NEBL: variants seen among roughly 807,000 people sequenced by gnomAD.
The protein encoded by NEBL is nebulette, also known as LIM and SH3 protein 2.
In NEBL, 122 loss-of-function variants were observed where a neutral mutation model predicts 140.2. That is an observed-to-expected ratio of 0.87 (90% CI 0.75 to 1.01). The LOEUF (loss-of-function observed/expected upper bound fraction) is 1.01. Ranked by LOEUF, NEBL falls within the 50% of genes least tolerant of loss-of-function variation. The pLI is 0.00. For synonymous variants in NEBL, 436 were observed against 398.9 expected, an observed-to-expected ratio of 1.09 and a Z score of -1.11; for missense variants, 1,365 against 1,231.3, an observed-to-expected ratio of 1.11 and a Z score of -1.62.
chr10:21,022,368 G>A (rs1838833335), intron 2 of NEBL, among the ~76,000 whole-genome samples: 1 of 152,208 alleles, frequency 6.6e-6, no homozygotes, highest in South Asian at 2.1e-4. Flanking sequence ...GGCTGATGCA[G>A]TAATCATTTG....
intron 2 of NEBL, chr10:21,126,218 G>T: frequency 8.0e-7 from 1 of 1,253,200 alleles, no homozygotes; most frequent in Non-Finnish European, 1.1e-6. Flanking sequence ...CAACTACATT[G>T]CTGGTTATGT....
chr10:20,864,171 T>C (rs1308622100), intron 7 of NEBL, among the ~76,000 whole-genome samples: 4 of 152,138 alleles, frequency 2.6e-5, no homozygotes, highest in African/African-American at 7.2e-5. Flanking sequence ...TATAGACAAA[T>C]TCCAAGTAAC....
intron 3 of NEBL, among the ~76,000 whole-genome samples, chr10:21,236,267 G>C (rs1348762596): frequency 6.6e-6 from 1 of 151,652 alleles, no homozygotes; most frequent in Non-Finnish European, 1.5e-5. Context: ...TTTAACAACT[G>C]AATTTTACAA....
At chr10:20,983,288 G>C (rs1255902597) in intron 3 of NEBL, among the ~76,000 whole-genome samples, 3 of 152,192 alleles carry the variant, frequency 2.0e-5, no homozygotes, top group Non-Finnish European at 4.4e-5. Context: ...CAATTATCTT[G>C]AGACCATTTA....
intron 3 of NEBL, among the ~76,000 whole-genome samples, chr10:21,217,266 C>G (rs1242050424): frequency 6.6e-6 from 1 of 152,162 alleles, no homozygotes; most frequent in African/African-American, 2.4e-5. Context: ...CCAGAAGTTT[C>G]CTCCAAATTG....
intron 2 of NEBL, among the ~76,000 whole-genome samples, chr10:21,110,416 C>T (rs1014944969): frequency 6.6e-6 from 1 of 152,084 alleles, no homozygotes; most frequent in Non-Finnish European, 1.5e-5. Context: ...TAGAAGTTAT[C>T]AAATTTATTG....
At chr10:20,868,832 G>T (rs1413130240) in intron 6 of NEBL, 67 bp from the exon 7 acceptor site, 1 of 876,678 alleles carries the variant, frequency 1.1e-6, no homozygotes, top group Non-Finnish European at 1.7e-6. Context: ...ATTGACATTA[G>T]CCAAAAAAAA....
chr10:20,949,186 T>C (rs1835322763), intron 4 of NEBL, among the ~76,000 whole-genome samples: 1 of 152,122 alleles, frequency 6.6e-6, no homozygotes, highest in African/African-American at 2.4e-5. Flanking sequence ...CTCAGCAAAC[T>C]AACCCAGGAA....
intron 23 of NEBL, among the ~76,000 whole-genome samples, chr10:20,813,512 T>G (rs769471856): frequency 1.3e-5 from 2 of 152,204 alleles, no homozygotes; most frequent in Non-Finnish European, 2.9e-5. Flanking sequence ...AATTGAACAC[T>G]TTAAATGGGC....
chr10:20,787,909 C>T (rs1370617588), intron 26 of NEBL, among the ~76,000 whole-genome samples: 3 of 152,150 alleles, frequency 2.0e-5, no homozygotes, highest in Non-Finnish European at 4.4e-5. Flanking sequence ...ATTCAGCTGA[C>T]TTATCAAGAC....
intron 2 of NEBL, among the ~76,000 whole-genome samples, chr10:21,060,887 T>C (rs1835242469): frequency 6.6e-6 from 1 of 152,164 alleles, no homozygotes; most frequent in Admixed American, 6.5e-5. Flanking sequence ...CCTTCCTGCC[T>C]AAAGCACACT....
chr10:21,135,043 A>C (rs143379379), intron 2 of NEBL, among the ~76,000 whole-genome samples: 77 of 152,344 alleles, frequency 5.1e-4, no homozygotes, highest in African/African-American at 1.7e-3. Context: ...ACGTTTGTCC[A>C]GGTTCCAGTA....
At chr10:21,191,414 T>C (rs761741105) in intron 3 of NEBL, among the ~76,000 whole-genome samples, 3 of 152,230 alleles carry the variant, frequency 2.0e-5, no homozygotes, top group African/African-American at 7.2e-5. Flanking sequence ...CCAGACCATC[T>C]GGCTTTGGAG....
intron 2 of NEBL, among the ~76,000 whole-genome samples, chr10:21,047,227 G>C (rs1834560398): frequency 6.6e-6 from 1 of 152,080 alleles, no homozygotes; most frequent in African/African-American, 2.4e-5. Flanking sequence ...AAAAATACAA[G>C]ATCAACCCAA....
Position 21,173,617 on chromosome 10 carries a change from C to T in NEBL, c.69+148G>A. 7.5e-7 allele frequency: 1 copy of T among 1,338,106 alleles called. No individual in the cohort carries two copies. The highest frequency in any genetic ancestry group is 1.2e-5 in the South Asian group (1 of 81,010). 82.9% of individuals were successfully genotyped at this position (1,338,106 alleles called of 1,614,324 possible). ...TGGTCTCTGACACTCCCGCTGGCGT[C>T]TTCGTTCGCGCGCCCTCCCCCCGTG... On this transcript the variant is annotated intron_variant, in intron 1 of 6. Coordinates refer to the NEBL transcript ENST00000417816. The surrounding 1 kb of genome is among the most constrained non-coding windows in gnomAD (Gnocchi z 5.7).
Position 20,852,537 on chromosome 10 carries a change from G to C in NEBL, c.1008+8C>G, listed in dbSNP as rs376842299. ...GGGAGGGTAGGTACCGTACGGGCAA[G>C]TGTGTACCTGACTTTGGAGGACGGC... On this transcript the variant is annotated splice_region_variant and intron_variant, in intron 10 of 27. Transcript: ENST00000377122. 85 of 1,605,316 alleles carry C rather than the reference G, an allele frequency of 5.3e-5. No homozygotes were observed. In the African/African-American group the frequency reaches 1.0e-3, roughly 20 times the overall value.
Position 21,145,845 on chromosome 10 carries a change from C to T in NEBL, c.164+26538G>A, listed in dbSNP as rs1340615088. 2.6e-5 allele frequency among the ~76,000 whole-genome samples: 4 copies of T among 152,276 alleles called. No individual in the cohort carries two copies. The South Asian group carries it at 6.2e-4, about 24-fold the overall frequency. ...TGGAGAGTAACTCAGTAATTGCTTG[C>T]TGATTTGGACTGACTGAATCTTCTT... On this transcript the variant is annotated intron_variant, in intron 2 of 6. Coordinates refer to the NEBL transcript ENST00000417816.
chr10:21,062,244 C>T (rs553751011), intron 2 of NEBL, among the ~76,000 whole-genome samples: 10 of 152,234 alleles, frequency 6.6e-5, no homozygotes, highest in African/African-American at 2.4e-4. Flanking sequence ...TTTCACAACT[C>T]ACACATCACA....
chr10:21,029,177 A>G (rs563303441), intron 2 of NEBL: 8 of 1,360,548 alleles, frequency 5.9e-6, no homozygotes, highest in South Asian at 3.5e-5. Flanking sequence ...AGTAATGATA[A>G]CAATGTGTAT....
Sources: allele counts gnomAD v4.1 joint callset (sites outside exome capture counted in the v4.1 genomes callset), GRCh38; gene constraint gnomAD v4.1.1; non-coding constraint Gnocchi (gnomAD v3.1); transcripts MANE v1.5; gene names NCBI Gene and HGNC (gene_info 2026-07-23, HGNC 2026-07-21).